DISC1: variants seen among roughly 807,000 people sequenced by gnomAD.
DISC1 encodes DISC1 scaffold protein, also known as disrupted in schizophrenia 1 protein.
DISC1 carries 57 observed loss-of-function variants against 84.5 expected under a neutral mutation model. That is an observed-to-expected ratio of 0.67 (90% CI 0.55 to 0.84). The LOEUF is 0.84. Ranked by LOEUF, DISC1 falls within the 40% of genes least tolerant of loss-of-function variation. DISC1 has a pLI of 0.00. For missense variants in DISC1, 1,000 were observed against 1,057.8 expected (o/e 0.95, Z 0.76); for synonymous variants, 411 against 415.2 (o/e 0.99, Z 0.12).
intron 3 of DISC1, among the ~76,000 whole-genome samples, chr1:231,725,107 GGA>G (rs2070436387): frequency 1.3e-5 from 2 of 152,116 alleles, no homozygotes; most frequent in African/African-American, 4.8e-5. Flanking sequence ...GCAGGGAGGG[GGA>G]GTCAGCCCTC....
At chr1:231,811,664 G>C (rs2080310454) in intron 8 of DISC1, among the ~76,000 whole-genome samples, 2 of 152,208 alleles carry the variant, frequency 1.3e-5, no homozygotes, top group African/African-American at 4.8e-5. Context: ...TGAGAGGCCT[G>C]AGGATTGGGC....
chr1:231,732,019 G>C (rs894250908), intron 3 of DISC1, among the ~76,000 whole-genome samples: 1 of 152,154 alleles, frequency 6.6e-6, no homozygotes, highest in Non-Finnish European at 1.5e-5. Context: ...TTTGACTTGA[G>C]ACAGCTTCTT....
At chr1:231,937,978 G>T (rs2091086522) in intron 9 of DISC1, among the ~76,000 whole-genome samples, 1 of 152,000 alleles carries the variant, frequency 6.6e-6, no homozygotes, top group South Asian at 2.1e-4. Context: ...CCTCCCGGGG[G>T]TTCTTGGCTT....
At chr1:231,833,591 C>T (rs369033139) in intron 9 of DISC1, among the ~76,000 whole-genome samples, 8 of 150,492 alleles carry the variant, frequency 5.3e-5, no homozygotes, top group South Asian at 2.1e-4. Context: ...AGTGGAGTCC[C>T]GCACAGATGA....
At chr1:231,946,040 G>A (rs1657128133) in intron 9 of DISC1, among the ~76,000 whole-genome samples, 2 of 152,174 alleles carry the variant, frequency 1.3e-5, no homozygotes, top group African/African-American at 4.8e-5. Flanking sequence ...GTACAAAGAG[G>A]AGCTGGTACC....
intron 10 of DISC1, among the ~76,000 whole-genome samples, chr1:231,965,450 C>T (rs1479661155): frequency 6.6e-6 from 1 of 152,222 alleles, no homozygotes; most frequent in Non-Finnish European, 1.5e-5. Flanking sequence ...GCATTCCCAT[C>T]ACTACTACCT....
intron 1 of DISC1, among the ~76,000 whole-genome samples, chr1:231,667,898 T>C (rs1251308742): frequency 6.6e-6 from 1 of 152,132 alleles, no homozygotes; most frequent in African/African-American, 2.4e-5. Flanking sequence ...TAAAAAAAGC[T>C]GTACATACTT....
At chr1:231,634,434 C>T (rs764220317) in intron 1 of DISC1, among the ~76,000 whole-genome samples, 1 of 152,106 alleles carries the variant, frequency 6.6e-6, no homozygotes, top group Non-Finnish European at 1.5e-5. Flanking sequence ...CACAAATCTT[C>T]TGAAGAAAAA....
At chr1:231,804,126 G>A (rs1558574747) in intron 8 of DISC1, among the ~76,000 whole-genome samples, 1 of 152,020 alleles carries the variant, frequency 6.6e-6, no homozygotes, top group Non-Finnish European at 1.5e-5. Context: ...AGAATTTGGT[G>A]GGCATATTTT....
rs1485414418 is a variant in DISC1 at position 232,009,411 on chromosome 1, T to C, written c.2307+362T>C. Reference sequence around the variant, plus strand: ...TAGATTATATATGCCATACATGATATTTAACATATATACTATACATTATGT... The same window carrying C: ...TAGATTATATATGCCATACATGATACTTAACATATATACTATACATTATGT... On this transcript the variant is annotated intron_variant, in intron 11 of 12. Coordinates refer to ENST00000439617, the MANE Select transcript of DISC1 (RefSeq NM_018662.3). The surrounding 1 kb of genome is among the most constrained non-coding windows in gnomAD (Gnocchi z 4.6). 9 of 686,396 alleles carry C rather than the reference T, an allele frequency of 1.3e-5. No individual in the cohort carries two copies. Among genetic ancestry groups the C allele is most frequent in the Non-Finnish European group, 1.6e-5 (9 of 550,044 alleles). The allele number at this position is 686,396 out of a possible 1,614,324, so 42.5% of individuals were successfully genotyped here.
intron 8 of DISC1, among the ~76,000 whole-genome samples, chr1:231,810,026 G>C (rs1186117013): frequency 6.6e-6 from 1 of 152,176 alleles, no homozygotes; most frequent in African/African-American, 2.4e-5. Context: ...AAATAAAATA[G>C]ATTGTATTTA....
intron 6 of DISC1, chr1:231,774,553 G>T (rs2076813577): frequency 1.6e-5 from 6 of 374,632 alleles, no homozygotes; most frequent in African/African-American, 4.2e-5. Context: ...ACTTTGAGGT[G>T]CAGGGAGGTA....
rs546550487 is a variant in DISC1, at chr1:231,955,189, T to A, written c.1982-3639T>A. Among the ~76,000 whole-genome samples the A allele has an allele frequency of 1.0e-3, 158 of 152,336 alleles. 1 individual carries two copies. Among genetic ancestry groups the A allele is most frequent in the African/African-American group, 3.6e-3 (149 of 41,586 alleles). On this transcript the variant is annotated intron_variant, in intron 9 of 12. Coordinates refer to ENST00000439617, the MANE Select transcript of DISC1 (RefSeq NM_018662.3). ...AATATAAATGGCGCGTTGCGTACGA[T>A]CAGCAAGGGCTTCTTAAGTTACTCC...
At chr1:231,818,751 C>G (rs992385881) in intron 9 of DISC1, 4 of 1,379,336 alleles carry the variant, frequency 2.9e-6, no homozygotes, top group Non-Finnish European at 3.7e-6. Context: ...TGTTCCCTGT[C>G]TCAACCTGTG....
chr1:231,968,906 G>A (rs1380058395), intron 10 of DISC1, among the ~76,000 whole-genome samples: 1 of 152,080 alleles, frequency 6.6e-6, no homozygotes, highest in Admixed American at 6.5e-5. Context: ...TTGATTTTCT[G>A]TCATAACAAT....
intron 8 of DISC1, among the ~76,000 whole-genome samples, chr1:231,801,314 G>C (rs537760228): frequency 6.6e-6 from 1 of 152,294 alleles, no homozygotes; most frequent in African/African-American, 2.4e-5. Flanking sequence ...TCTTGCTTCT[G>C]AGTTAGGGTT....
At chr1:231,957,558 G>A (rs1343630447) in intron 9 of DISC1, among the ~76,000 whole-genome samples, 2 of 152,168 alleles carry the variant, frequency 1.3e-5, no homozygotes, top group Non-Finnish European at 2.9e-5. Flanking sequence ...ATATGTATGG[G>A]ATGTGAAACA....
chr1:231,659,675 C>G (rs2061417179), intron 1 of DISC1, among the ~76,000 whole-genome samples: 1 of 152,176 alleles, frequency 6.6e-6, no homozygotes, highest in Admixed American at 6.5e-5. Flanking sequence ...AGGACATTGT[C>G]TCTTTGTTCT....
At chr1:231,889,475 C>G (rs1404781968) in intron 9 of DISC1, among the ~76,000 whole-genome samples, 1 of 152,238 alleles carries the variant, frequency 6.6e-6, no homozygotes, top group African/African-American at 2.4e-5. Flanking sequence ...GCAAACGTCA[C>G]TGCTTATTGA....
Sources: allele counts gnomAD v4.1 joint callset (sites outside exome capture counted in the v4.1 genomes callset), GRCh38; gene constraint gnomAD v4.1.1; non-coding constraint Gnocchi (gnomAD v3.1); transcripts MANE v1.5; gene names NCBI Gene and HGNC (gene_info 2026-07-23, HGNC 2026-07-21).